The following NTNG1 variants were observed in gnomAD, a reference collection of about 807,000 sequenced individuals.
NTNG1 encodes netrin G1, also known as netrin-G1.
A neutral mutation model predicts 54.0 loss-of-function variants in NTNG1; 16 were observed. That is an observed-to-expected ratio of 0.30 (90% CI 0.20 to 0.45). The LOEUF (loss-of-function observed/expected upper bound fraction) is 0.45. NTNG1 is among the 20% of genes least tolerant of loss of function. NTNG1 has a pLI of 1.00. For synonymous variants in NTNG1, 255 were observed against 263.1 expected (o/e 0.97, Z 0.30); for missense variants, 530 against 678.7 (o/e 0.78, Z 2.43).
chr1:107,193,967 G>A (rs970311893), intron 2 of NTNG1, among the ~76,000 whole-genome samples: 1 of 151,870 alleles, frequency 6.6e-6, no homozygotes, highest in Non-Finnish European at 1.5e-5. Context: ...AACCCTTTAT[G>A]ATCAGGTCCC....
At chr1:107,230,288 G>A (rs915069239) in intron 2 of NTNG1, among the ~76,000 whole-genome samples, 3 of 152,162 alleles carry the variant, frequency 2.0e-5, no homozygotes, top group African/African-American at 7.2e-5. Flanking sequence ...GTCCCCACCT[G>A]TATGCGGGTG....
chr1:107,363,966 T>C (rs1221435926), intron 3 of NTNG1, among the ~76,000 whole-genome samples: 4 of 152,154 alleles, frequency 2.6e-5, no homozygotes, highest in African/African-American at 9.7e-5. Flanking sequence ...CTCTTTTTAT[T>C]TTCTGATGCT....
At chr1:107,222,908 A>G (rs1350422949) in intron 2 of NTNG1, among the ~76,000 whole-genome samples, 1 of 151,660 alleles carries the variant, frequency 6.6e-6, no homozygotes, top group Non-Finnish European at 1.5e-5. Flanking sequence ...AGCAAGCTCA[A>G]CCAACATTTG....
At chr1:107,391,287 C>T (rs775487332) in intron 3 of NTNG1, among the ~76,000 whole-genome samples, 1 of 152,140 alleles carries the variant, frequency 6.6e-6, no homozygotes, top group Non-Finnish European at 1.5e-5. Context: ...TACAATGGTT[C>T]TATTCCAGAA....
rs901575441 is a variant in NTNG1 at position 107,301,356 on chromosome 1, C to A, written c.247-22926C>A. On this transcript the variant is annotated intron_variant, in intron 2 of 7. Coordinates refer to ENST00000370068, the MANE Select transcript of NTNG1 (RefSeq NM_001113226.3). ...TCCTGGACAAACACAGAAAGAAACA[C>A]AAACAGAGGAGGAATGTGGAACAGC... Among the ~76,000 whole-genome samples the A allele has an allele frequency of 5.5e-4, 84 of 151,926 alleles. 1 individual carries two copies. Among genetic ancestry groups the A allele is most frequent in the Non-Finnish European group, 2.9e-5 (2 of 67,962 alleles).
intron 2 of NTNG1, among the ~76,000 whole-genome samples, chr1:107,177,420 C>T (rs1037149223): frequency 1.3e-5 from 2 of 151,932 alleles, no homozygotes; most frequent in Admixed American, 6.6e-5. Context: ...CTGCAACCTC[C>T]GCCTCCTGGG....
At chr1:107,367,229 C>T (rs1670650867) in intron 3 of NTNG1, among the ~76,000 whole-genome samples, 1 of 152,004 alleles carries the variant, frequency 6.6e-6, no homozygotes, top group Non-Finnish European at 1.5e-5. Flanking sequence ...TAAACCCATG[C>T]CTGCCCCAAA....
intron 2 of NTNG1, among the ~76,000 whole-genome samples, chr1:107,212,597 T>C (rs756180953): frequency 6.6e-6 from 1 of 152,212 alleles, no homozygotes; most frequent in Non-Finnish European, 1.5e-5. Context: ...AGACACTTCT[T>C]GTTTTCTTAA....
rs534495230 is a variant in NTNG1, at chr1:107,467,505, C to T, written c.1391-13106C>T. Among the ~76,000 whole-genome samples, 55 of 152,316 alleles carry T rather than the reference C, an allele frequency of 3.6e-4. 3 individuals carry two copies. In the South Asian group the frequency reaches 0.011, roughly 30 times the overall value. Reference sequence around the variant, plus strand: ...GAATGACCTCTCATGTTCACAACAGCCCTGTGAAGTGGCCTCTTTTACAGA... The same window carrying T: ...GAATGACCTCTCATGTTCACAACAGTCCTGTGAAGTGGCCTCTTTTACAGA... On this transcript the variant is annotated intron_variant, in intron 7 of 7. Coordinates refer to ENST00000370068, the MANE Select transcript of NTNG1 (RefSeq NM_001113226.3).
intron 2 of NTNG1, among the ~76,000 whole-genome samples, chr1:107,216,472 C>T (rs531475788): frequency 5.3e-5 from 8 of 152,220 alleles, no homozygotes; most frequent in African/African-American, 1.4e-4. Context: ...GATGTTAAAC[C>T]ATCCTTGCAT....
intron 3 of NTNG1, among the ~76,000 whole-genome samples, chr1:107,334,443 G>A (rs928579949): frequency 6.6e-6 from 1 of 151,586 alleles, no homozygotes; most frequent in Non-Finnish European, 1.5e-5. Flanking sequence ...TGGGAACAGG[G>A]AACAGATGGG....
At chr1:107,464,112 A>G (rs890750783) in intron 7 of NTNG1, among the ~76,000 whole-genome samples, 1 of 152,152 alleles carries the variant, frequency 6.6e-6, no homozygotes, top group Non-Finnish European at 1.5e-5. Flanking sequence ...TTTAGTTAAC[A>G]TAAATAGGGG....
chr1:107,406,578 T>C (rs17018910), intron 4 of NTNG1, among the ~76,000 whole-genome samples: 4,828 of 152,200 alleles, frequency 0.032, 195 homozygotes, highest in East Asian at 0.17. Context: ...GAGTTCTGTC[T>C]GCTTTCCATC....
chr1:107,349,211 G>T (rs1444163682), intron 3 of NTNG1, among the ~76,000 whole-genome samples: 1 of 152,082 alleles, frequency 6.6e-6, no homozygotes, highest in Non-Finnish European at 1.5e-5. Context: ...GCATTAATCA[G>T]ATATCATACC....
intron 6 of NTNG1, among the ~76,000 whole-genome samples, chr1:107,436,202 C>T (rs1282283344): frequency 1.3e-5 from 2 of 152,146 alleles, no homozygotes; most frequent in African/African-American, 4.8e-5. Context: ...TAAAGTAAAA[C>T]TACCTTTGAA....
chr1:107,214,803 C>T (rs58354552), intron 2 of NTNG1, among the ~76,000 whole-genome samples: 140,109 of 149,120 alleles, frequency 0.94, 66,138 homozygotes, highest in East Asian at 1. Context: ...TTTTTTTTTT[C>T]AATTTTCTGA....
intron 2 of NTNG1, among the ~76,000 whole-genome samples, chr1:107,282,029 G>A (rs976670772): frequency 1.3e-5 from 2 of 152,116 alleles, no homozygotes; most frequent in African/African-American, 4.8e-5. Context: ...TGCTAGTTGA[G>A]TCTGACACGT....
intron 5 of NTNG1, among the ~76,000 whole-genome samples, chr1:107,417,797 T>C (rs1341338915): frequency 6.6e-6 from 1 of 152,082 alleles, no homozygotes; most frequent in Non-Finnish European, 1.5e-5. Flanking sequence ...ACAAAAATAG[T>C]TTAAAAACAT....
intron 2 of NTNG1, among the ~76,000 whole-genome samples, chr1:107,243,884 A>T (rs1662008893): frequency 6.6e-6 from 1 of 152,184 alleles, no homozygotes; most frequent in Non-Finnish European, 1.5e-5. Context: ...CTTTAAATAT[A>T]TTATTTTTCA....
Sources: allele counts gnomAD v4.1 joint callset (sites outside exome capture counted in the v4.1 genomes callset), GRCh38; gene constraint gnomAD v4.1.1; transcripts MANE v1.5; gene names NCBI Gene and HGNC (gene_info 2026-07-23, HGNC 2026-07-21).